ATL1: variants seen among roughly 807,000 people sequenced by gnomAD.
ATL1 encodes the protein atlastin-1.
ATL1 carries 31 observed loss-of-function variants against 75.5 expected under a neutral mutation model. The observed-to-expected ratio is 0.41, with a 90% CI of 0.31 to 0.55. The LOEUF (loss-of-function observed/expected upper bound fraction) is 0.55, where lower values mean the gene tolerates loss of function less well. Among genes scored for constraint, ATL1 ranks in the 20% least tolerant of loss-of-function variants. The probability of loss-of-function intolerance (pLI) is 0.27; values close to 1 mark genes in which losing one functional copy is unlikely to be tolerated. For synonymous variants in ATL1, 226 were observed against 233.3 expected (o/e 0.97, Z 0.28); for missense variants, 405 against 662.6 (o/e 0.61, Z 4.27).
intron 1 of ATL1, among the ~76,000 whole-genome samples, chr14:50,543,442 A>G (rs528495493): frequency 2.0e-5 from 3 of 152,354 alleles, no homozygotes; most frequent in African/African-American, 4.8e-5. Context: ...AGCTTCTATT[A>G]GTGCCACAAT....
intron 6 of ATL1, among the ~76,000 whole-genome samples, chr14:50,609,674 A>C (rs2140222888): frequency 6.6e-6 from 1 of 152,188 alleles, no homozygotes; most frequent in Non-Finnish European, 1.5e-5. Flanking sequence ...CACACACCAC[A>C]CACAATTTTA....
chr14:50,538,367 G>T (rs893034605), intron 1 of ATL1, among the ~76,000 whole-genome samples: 3 of 152,158 alleles, frequency 2.0e-5, no homozygotes, highest in Non-Finnish European at 4.4e-5. Context: ...TATCAGCAGT[G>T]TGAAAATGGA....
chr14:50,628,016 C>T lies in ATL1; in HGVS notation c.1120-15C>T, dbSNP rs771568686. ...CTCTGCATTGCATAAACAAATACTTCTCTATCTGATACAGATTTGTGGTGG... is the reference window on the plus strand; with the variant it reads ...CTCTGCATTGCATAAACAAATACTTTTCTATCTGATACAGATTTGTGGTGG... On this transcript the variant is annotated splice_polypyrimidine_tract_variant and intron_variant, in intron 11 of 13. Transcript: ENST00000358385. The T allele has an allele frequency of 5.9e-5, 96 of 1,613,846 alleles. No individual in the cohort carries two copies. Among genetic ancestry groups the T allele is most frequent in the Non-Finnish European group, 7.5e-5 (89 of 1,179,870 alleles).
In ATL1 at chr14:50,594,025, A is replaced by G. The variant is rs185680425; in HGVS notation, c.573+129A>G. The stretch of plus-strand genomic sequence containing the variant: ...TGTTTAAACAGGAACTATTGGCCCA[A>G]TTAGCTGCCTGGTAATTACTGCCTG... On this transcript the variant is annotated intron_variant, in intron 5 of 13. Coordinates refer to ENST00000358385, the MANE Select transcript of ATL1 (RefSeq NM_015915.5). 5.3e-4 allele frequency: 383 copies of G among 720,810 alleles called. 3 individuals are homozygous for G. The East Asian group carries it at 7.8e-3, about 15-fold the overall frequency. 44.7% of individuals were successfully genotyped at this position (720,810 alleles called of 1,614,324 possible).
intron 1 of ATL1, among the ~76,000 whole-genome samples, chr14:50,587,185 G>A (rs2039109866): frequency 6.6e-6 from 1 of 152,138 alleles, no homozygotes; most frequent in Non-Finnish European, 1.5e-5. Flanking sequence ...TAAAGAAAGT[G>A]TGAACTACAA....
chr14:50,632,857 T>C lies in ATL1; in HGVS notation c.*518T>C, dbSNP rs535232795. ...TAGTTGCTTTATCAAAAACCAGATA[T>C]TGCTTTTACATGGTTTAATAGAATA... On this transcript the variant is annotated 3_prime_UTR_variant, in exon 14 of 14. Transcript: ENST00000358385. 1.3e-4 allele frequency: 20 copies of C among 156,480 alleles called. No individual in the cohort carries two copies. In the South Asian group the frequency reaches 3.5e-3, roughly 27 times the overall value. The allele number at this position is 156,480 out of a possible 1,614,324, so 9.7% of individuals were successfully genotyped here.
At chr14:50,626,449 C>T (rs1181034796) in intron 11 of ATL1, among the ~76,000 whole-genome samples, 2 of 152,204 alleles carry the variant, frequency 1.3e-5, no homozygotes, top group Non-Finnish European at 2.9e-5. Context: ...GTGGTGCAAA[C>T]AGCAAGAGAA....
intron 1 of ATL1, among the ~76,000 whole-genome samples, chr14:50,554,833 C>T (rs1307115653): frequency 1.3e-5 from 2 of 152,156 alleles, no homozygotes; most frequent in Admixed American, 6.5e-5. Context: ...CTGAGTCATT[C>T]TTCAGTCTCT....
chr14:50,622,814 T>C (rs2039480652), intron 10 of ATL1, among the ~76,000 whole-genome samples: 2 of 152,218 alleles, frequency 1.3e-5, no homozygotes, highest in Non-Finnish European at 2.9e-5. Context: ...TCCTTAGATA[T>C]ATGTGTGTAT....
chr14:50,576,676 A>G (rs944973468), intron 1 of ATL1, among the ~76,000 whole-genome samples: 4 of 152,186 alleles, frequency 2.6e-5, no homozygotes, highest in African/African-American at 9.7e-5. Context: ...TCTGGACCCA[A>G]GTGATCCTTC....
At chr14:50,609,390 T>TA (rs201435218) in intron 6 of ATL1, among the ~76,000 whole-genome samples, 78 of 151,196 alleles carry the variant, frequency 5.2e-4, no homozygotes, top group Middle Eastern at 3.4e-3. Flanking sequence ...TGTGCCAAAT[T>TA]AAAAAAAAAC....
chr14:50,626,320 A>G (rs1474506172), intron 11 of ATL1, among the ~76,000 whole-genome samples: 1 of 152,234 alleles, frequency 6.6e-6, no homozygotes, highest in Non-Finnish European at 1.5e-5. Flanking sequence ...TGCCATGAAG[A>G]GAATCTGTGG....
Position 50,629,513 on chromosome 14 carries a change from G to A in ATL1, c.1552-482G>A, listed in dbSNP as rs1289311412. ...GGAGAATCGCTTGAACCCAGAAGGC[G>A]GAGGTTGCACTGAGCCGAGATGGCA... On this transcript the variant is annotated intron_variant, in intron 12 of 13. Coordinates refer to ENST00000358385, the MANE Select transcript of ATL1 (RefSeq NM_015915.5). Among the ~76,000 whole-genome samples the A allele has an allele frequency of 1.4e-4, 21 of 151,572 alleles. No homozygotes were observed. The East Asian group carries it at 3.5e-3, about 25-fold the overall frequency.
At chr14:50,581,094 CTT>C (rs2039051183) in intron 1 of ATL1, among the ~76,000 whole-genome samples, 1 of 151,470 alleles carries the variant, frequency 6.6e-6, no homozygotes, top group Admixed American at 6.6e-5. Context: ...TTTGATCAGT[CTT>C]ATATTATTAA....
intron 8 of ATL1, among the ~76,000 whole-genome samples, chr14:50,618,660 A>G (rs2140230532): frequency 6.6e-6 from 1 of 152,274 alleles, no homozygotes; most frequent in South Asian, 2.1e-4. Flanking sequence ...AAAGGGGAAA[A>G]TGCAAACACA....
At chr14:50,586,420 G>C (rs1312157396) in intron 1 of ATL1, among the ~76,000 whole-genome samples, 1 of 152,086 alleles carries the variant, frequency 6.6e-6, no homozygotes, top group Non-Finnish European at 1.5e-5. Flanking sequence ...TCAGAGAAAA[G>C]GGGCTCTGGT....
At chr14:50,620,748 C>T (rs2039460101) in intron 9 of ATL1, 22 bp downstream of exon 9, 3 of 1,611,454 alleles carry the variant, frequency 1.9e-6, no homozygotes, top group Admixed American at 3.3e-5. Flanking sequence ...ATTTCTAGAG[C>T]ATTCGTGGGA....
chr14:50,542,129 G>A (rs187550007), intron 1 of ATL1, among the ~76,000 whole-genome samples: 58 of 146,654 alleles, frequency 4.0e-4, no homozygotes, highest in African/African-American at 1.2e-3. Flanking sequence ...GTAGAGGCTA[G>A]ACTCCTGACC....
chr14:50,568,820 T>G (rs1252536950), intron 1 of ATL1, among the ~76,000 whole-genome samples: 1 of 152,166 alleles, frequency 6.6e-6, no homozygotes, highest in Non-Finnish European at 1.5e-5. Context: ...TTAATTCGCT[T>G]ATCATTTCCC....
Sources: allele counts gnomAD v4.1 joint callset (sites outside exome capture counted in the v4.1 genomes callset), GRCh38; gene constraint gnomAD v4.1.1; transcripts MANE v1.5; gene names NCBI Gene and HGNC (gene_info 2026-07-23, HGNC 2026-07-21).